TBC1D5: variants seen among roughly 807,000 people sequenced by gnomAD.
TBC1D5 encodes the protein TBC1 domain family member 5, also known as TBC1 domain family, member 5.
Under a neutral mutation model 100.3 loss-of-function variants are expected in TBC1D5, and 75 were observed. The observed-to-expected ratio is 0.75, with a 90% CI of 0.62 to 0.91. The LOEUF (loss-of-function observed/expected upper bound fraction) is 0.91, where lower values mean the gene tolerates loss of function less well. Among genes scored for constraint, TBC1D5 ranks in the 40% least tolerant of loss-of-function variants. The pLI is 0.00. For synonymous variants in TBC1D5, 323 were observed against 325.6 expected, an observed-to-expected ratio of 0.99 and a Z score of 0.09; for missense variants, 910 against 942.4, an observed-to-expected ratio of 0.97 and a Z score of 0.45.
chr3:17,595,974 T>C (rs1180192401), intron 2 of TBC1D5, among the ~76,000 whole-genome samples: 2 of 152,188 alleles, frequency 1.3e-5, no homozygotes, highest in Non-Finnish European at 2.9e-5. Flanking sequence ...TCCTCTACCA[T>C]AGGAGTGCCA....
chr3:17,729,855 T>C (rs2076414303), intron 1 of TBC1D5, among the ~76,000 whole-genome samples: 1 of 152,334 alleles, frequency 6.6e-6, no homozygotes, highest in African/African-American at 2.4e-5. Context: ...ACGCCTGTAA[T>C]CCCAGCACTT....
chr3:17,364,235 A>G (rs1293726192), intron 13 of TBC1D5, among the ~76,000 whole-genome samples: 1 of 152,154 alleles, frequency 6.6e-6, no homozygotes, highest in African/African-American at 2.4e-5. Context: ...ACCATATCAT[A>G]TTTTGAATAA....
At chr3:17,456,561 C>T (rs550733842) in intron 3 of TBC1D5, among the ~76,000 whole-genome samples, 1 of 152,138 alleles carries the variant, frequency 6.6e-6, no homozygotes, top group South Asian at 2.1e-4. Flanking sequence ...GTTCAACATA[C>T]CGATCATCAG....
At chr3:17,429,242 ATAAAAG>A (rs2094403078) in intron 3 of TBC1D5, among the ~76,000 whole-genome samples, 2 of 151,962 alleles carry the variant, frequency 1.3e-5, no homozygotes, top group Non-Finnish European at 2.9e-5. Context: ...AGACTACAGA[ATAAAAG>A]TAAATGTACT....
chr3:17,381,242 T>C (rs1167216791), intron 9 of TBC1D5, among the ~76,000 whole-genome samples: 1 of 151,986 alleles, frequency 6.6e-6, no homozygotes, highest in Non-Finnish European at 1.5e-5. Context: ...GTAGATGGAG[T>C]GCACAGTTAT....
intron 1 of TBC1D5, among the ~76,000 whole-genome samples, chr3:17,696,395 C>G (rs1366117626): frequency 3.3e-5 from 5 of 151,872 alleles, no homozygotes; most frequent in Non-Finnish European, 7.4e-5. Context: ...CAAATAGATG[C>G]AATAAAAAAT....
chr3:17,672,192 T>C (rs2153787102), intron 1 of TBC1D5, among the ~76,000 whole-genome samples: 1 of 152,316 alleles, frequency 6.6e-6, no homozygotes, highest in South Asian at 2.1e-4. Flanking sequence ...ACATGATTTT[T>C]TGCAAAATAT....
intron 2 of TBC1D5, among the ~76,000 whole-genome samples, chr3:17,600,119 C>A (rs1253789435): frequency 4.6e-5 from 7 of 152,240 alleles, no homozygotes; most frequent in Middle Eastern, 3.4e-3. Context: ...GAGAAAGTCC[C>A]CTTGGTTCTA....
At chr3:17,395,369 G>A (rs1189374854) in intron 8 of TBC1D5, among the ~76,000 whole-genome samples, 1 of 151,832 alleles carries the variant, frequency 6.6e-6, no homozygotes, top group African/African-American at 2.4e-5. Context: ...AGACTGTGTC[G>A]CAAATGGAAA....
chr3:17,427,230 G>A (rs920611572), intron 4 of TBC1D5, among the ~76,000 whole-genome samples: 9 of 151,822 alleles, frequency 5.9e-5, no homozygotes, highest in African/African-American at 1.9e-4. Context: ...GAACACCATG[G>A]AACATAAGCC....
At chr3:17,527,308 A>G (rs1456218434) in intron 2 of TBC1D5, among the ~76,000 whole-genome samples, 2 of 152,200 alleles carry the variant, frequency 1.3e-5, no homozygotes, top group Non-Finnish European at 2.9e-5. Flanking sequence ...GATAACCTGA[A>G]AGAAGAGCAT....
intron 3 of TBC1D5, among the ~76,000 whole-genome samples, chr3:17,436,945 T>C (rs552706571): frequency 2.6e-5 from 4 of 152,314 alleles, no homozygotes; most frequent in East Asian, 3.9e-4. Flanking sequence ...TGTGCTATGG[T>C]TGAATGTGTC....
Position 17,595,150 on chromosome 3 carries a change from A to C in TBC1D5, c.-36+28699T>G, listed in dbSNP as rs531824467. ...CCAAGTTCTTGGTTTTAGAACTCAA[A>C]CTAGCTCTTCTTGCTCCTCAGCCTG... On this transcript the variant is annotated intron_variant, in intron 2 of 21. Coordinates refer to ENST00000253692, the Ensembl canonical transcript of TBC1D5. Among the ~76,000 whole-genome samples, 3 of 152,248 alleles carry C rather than the reference A, an allele frequency of 2.0e-5. No individual in the cohort carries two copies. In the East Asian group the frequency reaches 5.8e-4, roughly 29 times the overall value.
At chr3:17,735,000 G>C (rs572116275) in intron 1 of TBC1D5, among the ~76,000 whole-genome samples, 7 of 152,210 alleles carry the variant, frequency 4.6e-5, no homozygotes, top group African/African-American at 1.4e-4. Context: ...GGCCGAGGTG[G>C]AAGGATCACT....
intron 13 of TBC1D5, among the ~76,000 whole-genome samples, chr3:17,325,541 C>T (rs936624440): frequency 1.3e-5 from 2 of 152,138 alleles, no homozygotes; most frequent in Non-Finnish European, 2.9e-5. Context: ...CCAGGCTGGT[C>T]TTGAACTCCC....
chr3:17,546,462 T>C (rs183750473), intron 2 of TBC1D5, among the ~76,000 whole-genome samples: 5 of 152,168 alleles, frequency 3.3e-5, no homozygotes, highest in African/African-American at 4.8e-5. Context: ...ATTTGTTTTA[T>C]CTTTATAAAA....
intron 2 of TBC1D5, among the ~76,000 whole-genome samples, chr3:17,617,827 T>A (rs1355784261): frequency 2.0e-5 from 3 of 152,220 alleles, no homozygotes; most frequent in African/African-American, 7.2e-5. Context: ...TTAGCTTCCT[T>A]GCGATGTGTT....
At position 17,391,562 on chromosome 3, in the gene TBC1D5, C is replaced by CA. The variant is rs375183258; in HGVS notation, c.510-7548dup. ...GATATCTGAAACTGGGGTGCTGTTT[C>CA]AAAAAAAAAAAATACCTAAAATATG... is the stretch of plus-strand genomic sequence containing the variant. On this transcript the variant is annotated intron_variant, in intron 8 of 21. Coordinates refer to ENST00000253692, the Ensembl canonical transcript of TBC1D5. 2.8e-3 allele frequency among the ~76,000 whole-genome samples: 392 copies of CA among 141,548 alleles called. 4 individuals are homozygous for CA. The highest frequency in any genetic ancestry group is 7.7e-3 in the African/African-American group (300 of 38,948). The allele number at this position is 141,548 out of a possible 152,430, so 92.9% of individuals were successfully genotyped here.
rs1419269228 is a variant in TBC1D5 at position 17,565,955 on chromosome 3, A to G, written c.-35-57350T>C. Among the ~76,000 whole-genome samples, 5 of 152,150 alleles carry G rather than the reference A, an allele frequency of 3.3e-5. No homozygotes were observed. In the East Asian group the frequency reaches 9.6e-4, roughly 29 times the overall value. On this transcript the variant is annotated intron_variant, in intron 2 of 21. Transcript: ENST00000253692. ...TCCTATATTATAACATTATAGCACA[A>G]TATTTGAGATTGCTTTTTAAGCACT...
Sources: allele counts gnomAD v4.1 joint callset (sites outside exome capture counted in the v4.1 genomes callset), GRCh38; gene constraint gnomAD v4.1.1; transcripts MANE v1.5; gene names NCBI Gene and HGNC (gene_info 2026-07-23, HGNC 2026-07-21).